The following EYA2 variants were observed in gnomAD, a reference collection of about 807,000 sequenced individuals.
EYA2 encodes the protein protein phosphatase EYA2.
In EYA2, 31 loss-of-function variants were observed where a neutral mutation model predicts 69.2. The ratio of observed to expected loss-of-function variants is 0.45; its 90% CI spans 0.34 to 0.60. The LOEUF is 0.60. Ranked by LOEUF, EYA2 falls within the 20% of genes least tolerant of loss-of-function variation. The pLI is 0.02. For synonymous variants in EYA2, 257 were observed against 279.4 expected (o/e 0.92, Z 0.80); for missense variants, 622 against 701.2 (o/e 0.89, Z 1.28).
chr20:46,933,364 C>A (rs111836578), intron 1 of EYA2, among the ~76,000 whole-genome samples: 2 of 152,166 alleles, frequency 1.3e-5, no homozygotes, highest in Admixed American at 1.3e-4. Context: ...TCAGCAGCAG[C>A]GTGGTGGCAG....
chr20:46,996,937 G>A (rs1982063569), intron 2 of EYA2, among the ~76,000 whole-genome samples: 1 of 152,078 alleles, frequency 6.6e-6, no homozygotes, highest in Non-Finnish European at 1.5e-5. Flanking sequence ...GGCAGTAGAG[G>A]TGGTCTGAAT....
rs748282079 is a variant in EYA2 at position 47,156,089 on chromosome 20, T to TACACACACACACAC, written c.978+12967_978+12980dup. On this transcript the variant is annotated intron_variant, in intron 10 of 15. Transcript: ENST00000327619. ...ACACACACACACACATATATATACA[T>TACACACACACACAC]ACACACACACACACACACACACACA... Among the ~76,000 whole-genome samples, 286 of 30,842 alleles carry TACACACACACACAC rather than the reference T, an allele frequency of 9.3e-3. 11 individuals are homozygous for TACACACACACACAC. The highest frequency in any genetic ancestry group is 9.6e-3 in the African/African-American group (93 of 9,640). 20.2% of individuals were successfully genotyped at this position (30,842 alleles called of 152,430 possible). A position where few individuals can be genotyped will look rare whatever the true frequency, so the allele number is the denominator to read the frequency against.
chr20:46,947,044 C>A (rs1339269940), intron 1 of EYA2, among the ~76,000 whole-genome samples: 1 of 152,200 alleles, frequency 6.6e-6, no homozygotes, highest in Non-Finnish European at 1.5e-5. Flanking sequence ...AACAGCAGAG[C>A]TGAGAAGTGG....
chr20:46,985,123 A>G (rs1029109), intron 1 of EYA2, among the ~76,000 whole-genome samples: 14,070 of 152,326 alleles, frequency 0.092, 1,533 homozygotes, highest in East Asian at 0.28. Flanking sequence ...TGTCTAGGGC[A>G]TGGTGGAAAA....
intron 5 of EYA2, among the ~76,000 whole-genome samples, chr20:47,042,742 T>G (rs1178465193): frequency 6.6e-5 from 10 of 152,214 alleles, no homozygotes; most frequent in Non-Finnish European, 1.2e-4. Flanking sequence ...TTTTTCATCC[T>G]TATGCCTCTT....
At chr20:47,110,758 T>C (rs1376201781) in intron 9 of EYA2, among the ~76,000 whole-genome samples, 1 of 152,230 alleles carries the variant, frequency 6.6e-6, no homozygotes, top group Non-Finnish European at 1.5e-5. Flanking sequence ...GTAGGGAGTT[T>C]TCACTTGTGT....
intron 13 of EYA2, among the ~76,000 whole-genome samples, chr20:47,180,115 C>G (rs2034510779): frequency 6.6e-6 from 1 of 152,122 alleles, no homozygotes; most frequent in Admixed American, 6.5e-5. Context: ...TCATCACAAC[C>G]TCTCCCTCCC....
chr20:47,013,537 T>C (rs1410989381), intron 4 of EYA2, among the ~76,000 whole-genome samples: 1 of 152,204 alleles, frequency 6.6e-6, no homozygotes, highest in African/African-American at 2.4e-5. Context: ...TCATCTTGGA[T>C]TGTGATAGTA....
At position 46,989,270 on chromosome 20, in the gene EYA2, G is replaced by GT. The variant is rs1158023931; in HGVS notation, c.-10-730dup. Among the ~76,000 whole-genome samples, 4 of 151,902 alleles carry GT rather than the reference G, an allele frequency of 2.6e-5. No homozygotes were observed. In the East Asian group the frequency reaches 7.7e-4, roughly 29 times the overall value. ...TTTCTCCGTCCATGCAAGTAGTACC[G>GT]TGTTTGTTTGTTTGGAGATGGAGTC... is the stretch of plus-strand genomic sequence containing the variant. On this transcript the variant is annotated intron_variant, in intron 1 of 15. Transcript: ENST00000327619.
intron 1 of EYA2, among the ~76,000 whole-genome samples, chr20:46,974,553 G>A (rs1210782152): frequency 6.6e-6 from 1 of 152,100 alleles, no homozygotes; most frequent in Admixed American, 6.5e-5. Context: ...TTCCTCCCTG[G>A]ATCTCTTGCC....
Position 47,188,517 on chromosome 20 carries a change from A to G in EYA2, c.*384A>G. On this transcript the variant is annotated 3_prime_UTR_variant, in exon 16 of 16. Transcript: ENST00000327619. Reference sequence around the variant, plus strand: ...CATTACTCCGGAATTATGCTCTTGTACCTGTGTGGCTGGGTTTCTTAGTCG... The same window carrying G: ...CATTACTCCGGAATTATGCTCTTGTGCCTGTGTGGCTGGGTTTCTTAGTCG... 2.1e-6 allele frequency: 1 copy of G among 475,436 alleles called. No individual in the cohort carries two copies. The highest frequency in any genetic ancestry group is 3.7e-6 in the Non-Finnish European group (1 of 271,108). The allele number at this position is 475,436 out of a possible 1,614,324, so 29.5% of individuals were successfully genotyped here. A position where few individuals can be genotyped will look rare whatever the true frequency, so the allele number is the denominator to read the frequency against.
chr20:47,146,179 G>A (rs1052473307), intron 10 of EYA2, among the ~76,000 whole-genome samples: 5 of 152,156 alleles, frequency 3.3e-5, no homozygotes, highest in South Asian at 2.1e-4. Context: ...ATGCAGTGGA[G>A]GATCCCATCC....
At chr20:47,111,167 T>C (rs2032738301) in intron 9 of EYA2, among the ~76,000 whole-genome samples, 1 of 152,348 alleles carries the variant, frequency 6.6e-6, no homozygotes, top group Non-Finnish European at 1.5e-5. Context: ...GAAAGACATC[T>C]TGAAGAAGTG....
At chr20:47,076,106 G>T (rs116954101) in intron 7 of EYA2, among the ~76,000 whole-genome samples, 4 of 152,298 alleles carry the variant, frequency 2.6e-5, no homozygotes, top group Non-Finnish European at 5.9e-5. Flanking sequence ...TGCCATTGAT[G>T]GGCATCTAGG....
intron 1 of EYA2, among the ~76,000 whole-genome samples, chr20:46,908,625 A>T (rs904688947): frequency 6.6e-6 from 1 of 152,250 alleles, no homozygotes; most frequent in African/African-American, 2.4e-5. Flanking sequence ...GGTAAGAATT[A>T]GTGGAGTAGG....
chr20:47,037,076 T>C (rs1288978370), intron 5 of EYA2, among the ~76,000 whole-genome samples: 2 of 152,142 alleles, frequency 1.3e-5, no homozygotes, highest in African/African-American at 4.8e-5. Context: ...CAAAGCACCT[T>C]CTTCATAAGG....
At chr20:46,966,343 A>G (rs935114050) in intron 1 of EYA2, among the ~76,000 whole-genome samples, 2 of 152,176 alleles carry the variant, frequency 1.3e-5, no homozygotes, top group Non-Finnish European at 1.5e-5. Flanking sequence ...ATTCTGTGGC[A>G]GGTGCTGTTC....
At chr20:46,960,478 A>C (rs527312760) in intron 1 of EYA2, among the ~76,000 whole-genome samples, 1 of 152,254 alleles carries the variant, frequency 6.6e-6, no homozygotes, top group African/African-American at 2.4e-5. Flanking sequence ...ATGGACTAGA[A>C]ACCTTTGTGA....
At chr20:47,031,310 G>A (rs1310685205) in intron 5 of EYA2, among the ~76,000 whole-genome samples, 1 of 152,182 alleles carries the variant, frequency 6.6e-6, no homozygotes, top group Non-Finnish European at 1.5e-5. Flanking sequence ...GGAATGAGTT[G>A]GCCGGTGCTC....
Sources: allele counts gnomAD v4.1 joint callset (sites outside exome capture counted in the v4.1 genomes callset), GRCh38; gene constraint gnomAD v4.1.1; transcripts MANE v1.5; gene names NCBI Gene and HGNC (gene_info 2026-07-23, HGNC 2026-07-21).